Variants in PLD1 observed in about 807,000 individuals in gnomAD.
PLD1 encodes choline phosphatase 1.
In PLD1, 112 loss-of-function variants were observed where a neutral mutation model predicts 137.1. That is an observed-to-expected ratio of 0.82 (90% CI 0.70 to 0.96). PLD1 has a LOEUF of 0.96. Ranked by LOEUF, PLD1 falls within the 40% of genes least tolerant of loss-of-function variation. The probability of loss-of-function intolerance (pLI) is 0.00; values close to 1 mark genes in which losing one functional copy is unlikely to be tolerated. For synonymous variants in PLD1, 431 were observed against 454.7 expected (o/e 0.95, Z 0.66); for missense variants, 1,321 against 1,342.0 (o/e 0.98, Z 0.24).
At chr3:171,623,318 T>A in intron 23 of PLD1, among the ~76,000 whole-genome samples, 1 of 149,100 alleles carries the variant, frequency 6.7e-6, no homozygotes, top group African/African-American at 2.5e-5. Flanking sequence ...TCAGACTTTT[T>A]TTTTTTTTTT....
rs1732701988 is a variant in PLD1 at position 171,612,064 on chromosome 3, G to A, written c.2882+215C>T. Among the ~76,000 whole-genome samples the A allele has an allele frequency of 1.3e-5, 2 of 152,246 alleles. No individual in the cohort carries two copies. The highest frequency in any genetic ancestry group is 2.9e-5 in the Non-Finnish European group (2 of 68,014). ...ACCACTGCAGTTTTTTCTACTGCACGTGACAGTAATAAAAAGCTATTAAAA... is the reference window on the plus strand; with the variant it reads ...ACCACTGCAGTTTTTTCTACTGCACATGACAGTAATAAAAAGCTATTAAAA... On this transcript the variant is annotated intron_variant, in intron 25 of 26. Transcript: ENST00000351298. This position sits in a 1 kb window ranked among gnomAD's most constrained non-coding sequence, Gnocchi z 4.1.
chr3:171,701,507 A>T (rs1164225717), intron 11 of PLD1, among the ~76,000 whole-genome samples: 2 of 152,232 alleles, frequency 1.3e-5, no homozygotes, highest in African/African-American at 4.8e-5. Flanking sequence ...CTCTGCAATT[A>T]AGTATTTATC....
intron 8 of PLD1, among the ~76,000 whole-genome samples, chr3:171,719,660 A>C (rs546651757): frequency 6.6e-6 from 1 of 152,376 alleles, no homozygotes; most frequent in South Asian, 2.1e-4. Context: ...AATAAATGCT[A>C]AATTTATTTG....
chr3:171,646,374 T>A (rs2108385939), intron 21 of PLD1, among the ~76,000 whole-genome samples: 1 of 152,282 alleles, frequency 6.6e-6, no homozygotes, highest in South Asian at 2.1e-4. Flanking sequence ...CAGTACTCTT[T>A]GGGGGATCAG....
chr3:171,666,835 T>C (rs1712199617), intron 19 of PLD1, among the ~76,000 whole-genome samples: 1 of 152,214 alleles, frequency 6.6e-6, no homozygotes, highest in Non-Finnish European at 1.5e-5. Flanking sequence ...ATTTCTGATT[T>C]TATGGTTTAA....
chr3:171,741,252 C>T (rs1227032031), intron 1 of PLD1, among the ~76,000 whole-genome samples: 1 of 152,144 alleles, frequency 6.6e-6, no homozygotes, highest in Non-Finnish European at 1.5e-5. Flanking sequence ...TTTGTAAAGA[C>T]TTTACTATTT....
chr3:171,794,685 TAA>T (rs11310296), intron 1 of PLD1, among the ~76,000 whole-genome samples: 7 of 151,002 alleles, frequency 4.6e-5, no homozygotes, highest in Non-Finnish European at 3.0e-5. Context: ...CCTCTAGTAT[TAA>T]AAAAAAAAAG....
chr3:171,636,550 T>C (rs1735148830), intron 23 of PLD1, among the ~76,000 whole-genome samples: 1 of 152,178 alleles, frequency 6.6e-6, no homozygotes, highest in South Asian at 2.1e-4. Flanking sequence ...AATTGTTTTC[T>C]TAATTTCATT....
At chr3:171,622,190 T>C (rs1191152858) in intron 23 of PLD1, among the ~76,000 whole-genome samples, 1 of 152,234 alleles carries the variant, frequency 6.6e-6, no homozygotes. Context: ...AATATTTTTT[T>C]ACAGTAATTT....
At chr3:171,636,229 T>A (rs772182355) in intron 23 of PLD1, among the ~76,000 whole-genome samples, 24 of 152,054 alleles carry the variant, frequency 1.6e-4, no homozygotes, top group African/African-American at 2.4e-4. Context: ...CTCCAATTTG[T>A]TCTTATTCAA....
At chr3:171,764,913 A>AAGG (rs869083525) in intron 1 of PLD1, among the ~76,000 whole-genome samples, 5 of 31,620 alleles carry the variant, frequency 1.6e-4, no homozygotes, top group East Asian at 4.4e-4. Context: ...GGAAGGAAGG[A>AAGG]AAGAAAGAAA....
intron 1 of PLD1, among the ~76,000 whole-genome samples, chr3:171,783,521 T>C (rs575006442): frequency 6.6e-6 from 1 of 152,268 alleles, no homozygotes; most frequent in South Asian, 2.1e-4. Flanking sequence ...TCTGAGGATA[T>C]TACAAGACAG....
At chr3:171,681,943 A>C (rs1323704000) in intron 16 of PLD1, among the ~76,000 whole-genome samples, 1 of 152,082 alleles carries the variant, frequency 6.6e-6, no homozygotes, top group African/African-American at 2.4e-5. Flanking sequence ...ATATTGCTTA[A>C]AAGGAAAAGA....
At chr3:171,764,824 AGAG>A (rs1460521654) in intron 1 of PLD1, among the ~76,000 whole-genome samples, 5 of 16,756 alleles carry the variant, frequency 3.0e-4, no homozygotes, top group Middle Eastern at 0.045. Flanking sequence ...AAAGAAAGAA[AGAG>A]AAAGAAAGAA....
intron 1 of PLD1, among the ~76,000 whole-genome samples, chr3:171,799,953 A>G (rs951185884): frequency 9.2e-5 from 14 of 152,252 alleles, no homozygotes; most frequent in African/African-American, 3.1e-4. Context: ...AGGGAGCCCA[A>G]GGAGACACAA....
At chr3:171,759,519 G>A (rs760793455) in intron 1 of PLD1, among the ~76,000 whole-genome samples, 23 of 152,272 alleles carry the variant, frequency 1.5e-4, no homozygotes, top group South Asian at 4.1e-4. Flanking sequence ...GTAACTTGAT[G>A]GTTAGCGGGT....
intron 19 of PLD1, among the ~76,000 whole-genome samples, chr3:171,672,679 T>C (rs776458510): frequency 1.1e-4 from 17 of 151,842 alleles, no homozygotes; most frequent in Non-Finnish European, 2.1e-4. Flanking sequence ...TTTGTAGAGA[T>C]GGGGTCTCAC....
At chr3:171,622,332 CAGTA>C (rs1733710218) in intron 23 of PLD1, among the ~76,000 whole-genome samples, 1 of 152,182 alleles carries the variant, frequency 6.6e-6, no homozygotes, top group African/African-American at 2.4e-5. Flanking sequence ...GAAATCAATT[CAGTA>C]AGTCCCCGAG....
intron 1 of PLD1, among the ~76,000 whole-genome samples, chr3:171,769,144 GTTT>G (rs1311117700): frequency 1.3e-5 from 2 of 152,106 alleles, no homozygotes; most frequent in Non-Finnish European, 2.9e-5. Context: ...CTAAAATCTG[GTTT>G]TTAGGGAGTT....
Sources: gnomAD v4.1 joint callset for allele counts (sites outside exome capture counted in the v4.1 genomes callset) on GRCh38, gnomAD v4.1.1 for gene constraint, Gnocchi (gnomAD v3.1) non-coding constraint, MANE v1.5 for transcripts, NCBI Gene and HGNC (gene_info 2026-07-23, HGNC 2026-07-21) for gene names.